INTU: variants seen among roughly 807,000 people sequenced by gnomAD.
INTU encodes the protein protein inturned.
A neutral mutation model predicts 100.5 loss-of-function variants in INTU; 68 were observed. The observed-to-expected ratio is 0.68, with a 90% CI of 0.56 to 0.83. INTU has a LOEUF of 0.83. INTU is among the 40% of genes least tolerant of loss of function. The pLI, the probability that INTU is intolerant of heterozygous loss-of-function variation, is 0.00. For synonymous variants in INTU, 357 were observed against 395.7 expected (o/e 0.90, Z 1.16); for missense variants, 1,071 against 1,114.7 (o/e 0.96, Z 0.56).
intron 13 of INTU, among the ~76,000 whole-genome samples, chr4:127,710,541 T>C (rs1336992009): frequency 6.6e-6 from 1 of 152,208 alleles, no homozygotes; most frequent in East Asian, 1.9e-4. Context: ...ATCTTGTTTA[T>C]GGCTTATAGC....
At chr4:127,701,863 G>A (rs1383945346) in intron 9 of INTU, among the ~76,000 whole-genome samples, 1 of 152,152 alleles carries the variant, frequency 6.6e-6, no homozygotes, top group East Asian at 1.9e-4. Flanking sequence ...AGTGGGAGGA[G>A]AATGTTAGCT....
At position 127,669,025 on chromosome 4, in the gene INTU, T is replaced by C; in HGVS notation, c.973-11T>C. On this transcript the variant is annotated splice_polypyrimidine_tract_variant and intron_variant, in intron 4 of 15. Transcript: ENST00000335251. The stretch of plus-strand genomic sequence containing the variant: ...AAATTGGGTGGTTTGATCATTTGTT[T>C]CATTTAACAGCAGGAAATTCTTTAT... 7.9e-7 allele frequency: 1 copy of C among 1,264,444 alleles called. No individual in the cohort carries two copies. The highest frequency in any genetic ancestry group is 1.1e-6 in the Non-Finnish European group (1 of 896,842). The allele number at this position is 1,264,444 out of a possible 1,614,324, so 78.3% of individuals were successfully genotyped here. A position where few individuals can be genotyped will look rare whatever the true frequency, so the allele number is the denominator to read the frequency against.
chr4:127,672,312 T>A (rs564507774), intron 5 of INTU, among the ~76,000 whole-genome samples: 3 of 152,304 alleles, frequency 2.0e-5, no homozygotes, highest in Non-Finnish European at 4.4e-5. Flanking sequence ...CTACTTTCCA[T>A]TCCTATAGAT....
At chr4:127,635,161 AT>A in intron 1 of INTU, among the ~76,000 whole-genome samples, 1 of 152,216 alleles carries the variant, frequency 6.6e-6, no homozygotes, top group African/African-American at 2.4e-5. Context: ...TCAATATAGA[AT>A]TTAAAAGTTT....
At chr4:127,641,477 A>T (rs988661692) in intron 1 of INTU, among the ~76,000 whole-genome samples, 1 of 151,572 alleles carries the variant, frequency 6.6e-6, no homozygotes, top group Non-Finnish European at 1.5e-5. Flanking sequence ...TCCTCTTCAC[A>T]TCTTTCCCTT....
Position 127,713,961 on chromosome 4 carries a change from A to T in INTU, c.2585A>T (p.Asp862Val), listed in dbSNP as rs1238668910. The T allele has an allele frequency of 1.2e-6, 2 of 1,610,718 alleles. No individual in the cohort carries two copies. Among genetic ancestry groups the T allele is most frequent in the Non-Finnish European group, 8.5e-7 (1 of 1,177,362 alleles). ...EEKKKGLNSG[D>V]HSDSAKSVSS... is the part of the protein sequence containing the mutation. ...AAAAAGAAAGGACTAAATAGTGGAGACCATTCAGATTCTGCAAAGTCAGTG... is the reference window on the plus strand; with the variant it reads ...AAAAAGAAAGGACTAAATAGTGGAGTCCATTCAGATTCTGCAAAGTCAGTG... Residue 862 changes from aspartate (D) to valine (V), a missense_variant, in exon 15 of 16, where the codon GAC (aspartate) becomes GTC (valine). Transcript: ENST00000335251.
rs1046154285 is a variant in INTU at position 127,719,089 on chromosome 4, G to T, written c.*2653G>T. The T allele has an allele frequency of 6.6e-6, 1 of 152,132 alleles. No individual in the cohort carries two copies. Among genetic ancestry groups the T allele is most frequent in the Non-Finnish European group, 1.5e-5 (1 of 68,038 alleles). 9.4% of individuals were successfully genotyped at this position (152,132 alleles called of 1,614,324 possible). A position where few individuals can be genotyped will look rare whatever the true frequency, so the allele number is the denominator to read the frequency against. On this transcript the variant is annotated 3_prime_UTR_variant, in exon 16 of 16. Coordinates refer to ENST00000335251, the MANE Select transcript of INTU (RefSeq NM_015693.4). ...TTCAAGGGGAGTGCTTCCAGCTTTT[G>T]CCCATTCGGTATGATATTGGCTGTG... is the stretch of plus-strand genomic sequence containing the variant.
intron 2 of INTU, among the ~76,000 whole-genome samples, chr4:127,655,278 C>T (rs1028977480): frequency 1.3e-5 from 2 of 152,176 alleles, no homozygotes; most frequent in African/African-American, 4.8e-5. Flanking sequence ...AACTGCGTTC[C>T]GTTGGAGGAG....
intron 2 of INTU, among the ~76,000 whole-genome samples, chr4:127,649,337 G>A (rs1727726829): frequency 1.3e-5 from 2 of 152,110 alleles, no homozygotes; most frequent in Non-Finnish European, 2.9e-5. Context: ...GTCCAAGGCT[G>A]TTCATTACAC....
chr4:127,674,424 G>C (rs953926898), intron 6 of INTU, among the ~76,000 whole-genome samples: 2 of 152,210 alleles, frequency 1.3e-5, no homozygotes, highest in Non-Finnish European at 2.9e-5. Flanking sequence ...AGTTAGTAAG[G>C]GTGGGGCTGT....
At chr4:127,651,029 T>A (rs1399395258) in intron 2 of INTU, among the ~76,000 whole-genome samples, 1 of 152,216 alleles carries the variant, frequency 6.6e-6, no homozygotes, top group African/African-American at 2.4e-5. Flanking sequence ...TTGAGAAGTG[T>A]CTGTTCATGT....
At chr4:127,680,211 T>A (rs1222135141) in intron 6 of INTU, among the ~76,000 whole-genome samples, 1 of 151,944 alleles carries the variant, frequency 6.6e-6, no homozygotes, top group Non-Finnish European at 1.5e-5. Context: ...CTGAAACTAT[T>A]CCAATCAACA....
chr4:127,690,671 G>A (rs2126235892), intron 8 of INTU, among the ~76,000 whole-genome samples: 1 of 152,172 alleles, frequency 6.6e-6, no homozygotes, highest in African/African-American at 2.4e-5. Context: ...AACATTTGAA[G>A]TTTTTTTTAT....
At chr4:127,660,465 TG>T (rs1728428747) in intron 3 of INTU, among the ~76,000 whole-genome samples, 1 of 151,230 alleles carries the variant, frequency 6.6e-6, no homozygotes, top group African/African-American at 2.4e-5. Flanking sequence ...CGGTGCAGAC[TG>T]AAGCAGAGGT....
At position 127,724,444 on chromosome 4, in the gene INTU, T is replaced by A. The variant is rs957635087; in HGVS notation, c.*8008T>A. 5.3e-5 allele frequency: 8 copies of A among 151,972 alleles called. No individual in the cohort carries two copies. Among genetic ancestry groups the A allele is most frequent in the African/African-American group, 1.9e-4 (8 of 41,384 alleles). The allele number at this position is 151,972 out of a possible 1,614,324, so 9.4% of individuals were successfully genotyped here. On this transcript the variant is annotated 3_prime_UTR_variant, in exon 16 of 16. Transcript: ENST00000335251. ...CAAAAAAAAAAAAAAAAATACTAAC[T>A]TTTATCTTAGAAATATAGATCATTA... is the stretch of plus-strand genomic sequence containing the variant.
chr4:127,684,360 T>G (rs1189024332), intron 6 of INTU, 49 bp from the exon 7 acceptor site: 2 of 988,686 alleles, frequency 2.0e-6, no homozygotes, highest in African/African-American at 1.6e-5. Flanking sequence ...TTTAGATAAA[T>G]GTCATTTGAT....
chr4:127,654,985 G>A (rs1256794781), intron 2 of INTU, among the ~76,000 whole-genome samples: 10 of 150,472 alleles, frequency 6.6e-5, no homozygotes, highest in East Asian at 3.9e-4. Context: ...ATCTTCCATT[G>A]CTGATACCCT....
At chr4:127,676,230 T>C (rs1348367135) in intron 6 of INTU, among the ~76,000 whole-genome samples, 2 of 151,998 alleles carry the variant, frequency 1.3e-5, no homozygotes, top group African/African-American at 4.8e-5. Flanking sequence ...AATAGGATAC[T>C]GAACCCTTCT....
In INTU at chr4:127,664,558, G is replaced by T. The variant is rs374169301; in HGVS notation, c.972+974G>T. On this transcript the variant is annotated intron_variant, in intron 4 of 15. Coordinates refer to ENST00000335251, the MANE Select transcript of INTU (RefSeq NM_015693.4). ...AGACAATTTTGTTAGGTGCATTAAT[G>T]TTTAGAATTATTAAATCTTCCTGGA... 2.6e-5 allele frequency among the ~76,000 whole-genome samples: 4 copies of T among 151,968 alleles called. No homozygotes were observed. The East Asian group carries it at 7.7e-4, about 29-fold the overall frequency.
Sources: gnomAD v4.1 joint callset for allele counts (sites outside exome capture counted in the v4.1 genomes callset) on GRCh38, gnomAD v4.1.1 for gene constraint, MANE v1.5 for transcripts, NCBI Gene and HGNC (gene_info 2026-07-23, HGNC 2026-07-21) for gene names.